TP63: variants seen among roughly 807,000 people sequenced by gnomAD.
TP63 encodes tumor protein 63.
TP63 carries 17 observed loss-of-function variants against 82.8 expected under a neutral mutation model. The observed-to-expected ratio is 0.21, with a 90% CI of 0.14 to 0.31. The LOEUF (loss-of-function observed/expected upper bound fraction) is 0.31, where lower values mean the gene tolerates loss of function less well. Ranked by LOEUF, TP63 falls within the 10% of genes least tolerant of loss-of-function variation. TP63 has a pLI of 1.00. For synonymous variants in TP63, 330 were observed against 321.7 expected (o/e 1.03, Z -0.28); for missense variants, 648 against 895.3 (o/e 0.72, Z 3.52).
intron 4 of TP63, among the ~76,000 whole-genome samples, chr3:189,849,746 C>T (rs1715385650): frequency 6.6e-6 from 1 of 152,052 alleles, no homozygotes; most frequent in African/African-American, 2.4e-5. Flanking sequence ...ATAGCCAGGA[C>T]AAGGACTGGC....
chr3:189,644,335 A>G (rs1712206713), intron 1 of TP63, among the ~76,000 whole-genome samples: 1 of 150,272 alleles, frequency 6.7e-6, no homozygotes, highest in Admixed American at 6.7e-5. Flanking sequence ...ACACCCTCAC[A>G]ATCTTCCCTG....
intron 3 of TP63, among the ~76,000 whole-genome samples, chr3:189,770,741 G>C (rs1723279004): frequency 1.3e-5 from 2 of 152,104 alleles, no homozygotes; most frequent in South Asian, 4.1e-4. Flanking sequence ...GCTAATCCAA[G>C]TCATCTCTAC....
chr3:189,700,643 C>A (rs528327042), intron 1 of TP63, among the ~76,000 whole-genome samples: 1 of 152,228 alleles, frequency 6.6e-6, no homozygotes, highest in East Asian at 1.9e-4. Context: ...AGCTATAACA[C>A]AATAACATAT....
chr3:189,642,484 C>G (rs747834938), intron 1 of TP63, among the ~76,000 whole-genome samples: 1 of 151,980 alleles, frequency 6.6e-6, no homozygotes, highest in African/African-American at 2.4e-5. Context: ...GGGGCCAATG[C>G]GCATAGGTTC....
At chr3:189,751,124 C>T (rs934922651) in intron 3 of TP63, among the ~76,000 whole-genome samples, 1 of 152,182 alleles carries the variant, frequency 6.6e-6, no homozygotes, top group African/African-American at 2.4e-5. Flanking sequence ...CCAGCTTCAT[C>T]CATGTCCCTG....
intron 3 of TP63, among the ~76,000 whole-genome samples, chr3:189,752,568 TCA>T (rs1251978258): frequency 6.6e-6 from 1 of 152,202 alleles, no homozygotes; most frequent in Non-Finnish European, 1.5e-5. Flanking sequence ...CTCTTTTCTC[TCA>T]GTCTTACCAG....
At chr3:189,689,681 A>G (rs959422669) in intron 1 of TP63, among the ~76,000 whole-genome samples, 2 of 152,166 alleles carry the variant, frequency 1.3e-5, no homozygotes, top group African/African-American at 4.8e-5. Context: ...AAGGATAGGT[A>G]ACATTGGTCT....
intron 1 of TP63, among the ~76,000 whole-genome samples, chr3:189,643,532 G>T (rs978936075): frequency 7.3e-5 from 11 of 151,286 alleles, no homozygotes; most frequent in African/African-American, 2.7e-4. Flanking sequence ...ACCAATTTCT[G>T]TTACTGAAAT....
intron 1 of TP63, among the ~76,000 whole-genome samples, chr3:189,683,739 T>C (rs1294143217): frequency 6.6e-6 from 1 of 152,228 alleles, no homozygotes; most frequent in Non-Finnish European, 1.5e-5. Flanking sequence ...CTCTTTATAC[T>C]TGAACATGAA....
chr3:189,807,363 T>C (rs1463906600), intron 3 of TP63, among the ~76,000 whole-genome samples: 1 of 152,252 alleles, frequency 6.6e-6, no homozygotes, highest in East Asian at 1.9e-4. Flanking sequence ...GTCAAGTTTT[T>C]TGTAGAGTAA....
intron 1 of TP63, among the ~76,000 whole-genome samples, chr3:189,708,894 CGA>C: frequency 1.3e-5 from 2 of 152,260 alleles, no homozygotes; most frequent in African/African-American, 4.8e-5. Context: ...TGCTGGAACA[CGA>C]GAGTTAAGAG....
In TP63 at chr3:189,806,629, G is replaced by A. The variant is rs1726941454; in HGVS notation, c.325-1643G>A. Among the ~76,000 whole-genome samples the A allele has an allele frequency of 2.0e-5, 3 of 152,338 alleles. No homozygotes were observed. In the South Asian group the frequency reaches 6.2e-4, roughly 32 times the overall value. ...ACACCTGCCGGGAGAGAAAGCTGAA[G>A]ATGGTGGGTAAGTGGTGGATAGCAG... On this transcript the variant is annotated intron_variant, in intron 3 of 13. Transcript: ENST00000264731.
intron 3 of TP63, among the ~76,000 whole-genome samples, chr3:189,782,991 T>G (rs1221384891): frequency 6.6e-6 from 1 of 152,088 alleles, no homozygotes; most frequent in Non-Finnish European, 1.5e-5. Flanking sequence ...CTATCAGGCT[T>G]TAAAATATTT....
At chr3:189,815,618 T>G (rs1288072841) in intron 4 of TP63, among the ~76,000 whole-genome samples, 2 of 152,072 alleles carry the variant, frequency 1.3e-5, no homozygotes, top group African/African-American at 4.8e-5. Flanking sequence ...TGATACTAAT[T>G]CAAAAAAAAG....
chr3:189,692,180 G>T (rs182113245), intron 1 of TP63, among the ~76,000 whole-genome samples: 12 of 152,246 alleles, frequency 7.9e-5, no homozygotes, highest in Non-Finnish European at 1.3e-4. Context: ...CTACACACCA[G>T]TATTCTCTTC....
At chr3:189,752,785 C>A (rs1721918096) in intron 3 of TP63, among the ~76,000 whole-genome samples, 1 of 151,968 alleles carries the variant, frequency 6.6e-6, no homozygotes, top group Admixed American at 6.6e-5. Flanking sequence ...TGTTACCATT[C>A]ATTGCTATAA....
At position 189,897,188 on chromosome 3, in the gene TP63, T is replaced by C. The variant is rs151060923; in HGVS notation, c.*2686T>C. 3.7e-3 allele frequency: 811 copies of C among 217,342 alleles called. 9 individuals carry two copies. Among genetic ancestry groups the C allele is most frequent in the African/African-American group, 0.017 (761 of 44,666 alleles). The allele number at this position is 217,342 out of a possible 1,614,324, so 13.5% of individuals were successfully genotyped here. A position where few individuals can be genotyped will look rare whatever the true frequency, so the allele number is the denominator to read the frequency against. On this transcript the variant is annotated 3_prime_UTR_variant, in exon 14 of 14. Transcript: ENST00000264731. ...TTCTGGTACTTTCTGTTATGGGCTTTTGGGGAGCCAGAAGCCAATCTACAA... is the reference window on the plus strand; with the variant it reads ...TTCTGGTACTTTCTGTTATGGGCTTCTGGGGAGCCAGAAGCCAATCTACAA...
At chr3:189,859,179 C>G (rs1264072029) in intron 4 of TP63, among the ~76,000 whole-genome samples, 2 of 152,024 alleles carry the variant, frequency 1.3e-5, no homozygotes, top group Non-Finnish European at 2.9e-5. Flanking sequence ...ACTACATATC[C>G]TAATTTGATC....
intron 3 of TP63, among the ~76,000 whole-genome samples, chr3:189,754,516 G>A (rs2108527172): frequency 6.6e-6 from 1 of 152,176 alleles, no homozygotes; most frequent in Non-Finnish European, 1.5e-5. Flanking sequence ...ACTCCAGTCA[G>A]GCTGCAAGGA....
Sources: allele counts gnomAD v4.1 joint callset (sites outside exome capture counted in the v4.1 genomes callset), GRCh38; gene constraint gnomAD v4.1.1; transcripts MANE v1.5; gene names NCBI Gene and HGNC (gene_info 2026-07-23, HGNC 2026-07-21).